Variants in CHFR observed in about 807,000 individuals in gnomAD.
The protein encoded by CHFR is checkpoint with forkhead and ring finger domains.
In CHFR, 57 loss-of-function variants were observed where a neutral mutation model predicts 87.6. The ratio of observed to expected loss-of-function variants is 0.65; its 90% CI spans 0.53 to 0.81. CHFR has a LOEUF of 0.81. Among genes scored for constraint, CHFR ranks in the 30% least tolerant of loss-of-function variants. The pLI is 0.00. For missense variants in CHFR, 797 were observed against 865.8 expected (o/e 0.92, Z 1.00); for synonymous variants, 381 against 359.2 (o/e 1.06, Z -0.69).
At chr12:132,886,399 A>C (rs1951895988) in intron 2 of CHFR, among the ~76,000 whole-genome samples, 1 of 152,184 alleles carries the variant, frequency 6.6e-6, no homozygotes, top group Admixed American at 6.5e-5. Flanking sequence ...AATTGCTTCC[A>C]AACAGCAAAT....
chr12:132,860,162 G>A (rs993507444), intron 7 of CHFR, among the ~76,000 whole-genome samples: 25 of 152,162 alleles, frequency 1.6e-4, no homozygotes, highest in Non-Finnish European at 4.4e-5. Context: ...TCTTTGAGCT[G>A]TTTCTTCTGG....
At position 132,839,887 on chromosome 12, in the gene CHFR, CT is replaced by C. The variant is rs1257887581; in HGVS notation, c.*1666del. On this transcript the variant is annotated 3_prime_UTR_variant, in exon 18 of 18. Coordinates refer to ENST00000450056, the MANE Select transcript of CHFR (RefSeq NM_001161346.2). ...GCCCCTGCACTAACTTGGGACCTCC[CT>C]GCTCAGCCTCACCCCTGCACAAACT... 4.2e-5 allele frequency: 5 copies of C among 118,222 alleles called. No homozygotes were observed. Among genetic ancestry groups the C allele is most frequent in the South Asian group, 1.5e-4 (1 of 6,858 alleles). 7.3% of individuals were successfully genotyped at this position (118,222 alleles called of 1,614,324 possible).
Position 132,841,399 on chromosome 12 carries a change from A to G in CHFR, c.*155T>C. 1 of 679,580 alleles carries G rather than the reference A, an allele frequency of 1.5e-6. No individual in the cohort carries two copies. Among genetic ancestry groups the G allele is most frequent in the African/African-American group, 1.8e-5 (1 of 56,196 alleles). 42.1% of individuals were successfully genotyped at this position (679,580 alleles called of 1,614,324 possible). The stretch of plus-strand genomic sequence containing the variant: ...GGGGAGGGTCTCACTCAGAGGGTAA[A>G]GCTCCACAGAAGAGTCACCCCAGAG... On this transcript the variant is annotated 3_prime_UTR_variant, in exon 18 of 18. Coordinates refer to ENST00000450056, the MANE Select transcript of CHFR (RefSeq NM_001161346.2).
At chr12:132,887,402 CGCCCCACCCCGCGG>C (rs1951925411) in intron 1 of CHFR, 62 bp from the exon 2 acceptor site, 1 of 1,187,358 alleles carries the variant, frequency 8.4e-7, no homozygotes, top group African/African-American at 1.6e-5. Context: ...ACTCGGCGCC[CGCCCCACCCCGCGG>C]GCCCCGGCCC....
Position 132,859,095 on chromosome 12 carries a change from C to A in CHFR, c.884G>T (p.Cys295Phe). The change falls in exon 8 of 18, where the codon TGC (cysteine) becomes TTC (phenylalanine). Residue 295 changes from cysteine to phenylalanine, a missense_variant. This residue lies in a region of CHFR where 597 missense variants were observed against 601.2 expected (regional missense o/e 0.99). Transcript: ENST00000450056. Reference protein sequence around the residue: ...KMEETLTCIICQDLLHDCVSL... With the variant: ...KMEETLTCIIFQDLLHDCVSL... ...CACGCAGTCGTGCAGCAGGTCCTGG[C>A]AGATGATGCATGTCAGCGTCTCCTC... 1 of 1,613,924 alleles carries A rather than the reference C, an allele frequency of 6.2e-7. No individual in the cohort carries two copies. The highest frequency in any genetic ancestry group is 8.5e-7 in the Non-Finnish European group (1 of 1,179,896).
chr12:132,848,601 C>G, intron 13 of CHFR, 40 bp downstream of exon 13: 1 of 1,486,998 alleles, frequency 6.7e-7, no homozygotes, highest in South Asian at 1.2e-5. Context: ...AGAGAACATG[C>G]AAAGGTCAAA....
chr12:132,859,282 T>C, intron 7 of CHFR, 55 bp from the exon 8 acceptor site: 1 of 1,542,168 alleles, frequency 6.5e-7, no homozygotes, highest in Non-Finnish European at 8.9e-7. Flanking sequence ...ACACGCAGGT[T>C]CAGGTCAAGG....
At chr12:132,868,792 G>C (rs1476095993) in intron 6 of CHFR, among the ~76,000 whole-genome samples, 1 of 148,906 alleles carries the variant, frequency 6.7e-6, no homozygotes, top group Non-Finnish European at 1.5e-5. Context: ...AGGGGACATG[G>C]GGAGTGACTG....
chr12:132,885,678 T>C (rs1250246667), intron 2 of CHFR, among the ~76,000 whole-genome samples: 1 of 152,200 alleles, frequency 6.6e-6, no homozygotes, highest in African/African-American at 2.4e-5. Context: ...CAATGGCTAA[T>C]GCTAAGTGCT....
chr12:132,860,692 T>C (rs1951192149), intron 7 of CHFR, among the ~76,000 whole-genome samples: 1 of 152,238 alleles, frequency 6.6e-6, no homozygotes, highest in South Asian at 2.1e-4. Context: ...TCATCTTCAA[T>C]GTGAAGATTT....
chr12:132,868,839 C>T (rs1383240770), intron 6 of CHFR, among the ~76,000 whole-genome samples: 2 of 86,424 alleles, frequency 2.3e-5, no homozygotes, highest in Non-Finnish European at 4.6e-5. Flanking sequence ...TGGGGAGTGA[C>T]TGCTGGTGGG....
chr12:132,887,151 G>A, intron 2 of CHFR, 45 bp downstream of exon 2: 1 of 1,422,340 alleles, frequency 7.0e-7, no homozygotes, highest in Admixed American at 3.0e-5. Flanking sequence ...GCAACCCGGT[G>A]GCTCTGCCCG....
At chr12:132,843,317 T>C (rs1950741611) in intron 16 of CHFR, among the ~76,000 whole-genome samples, 1 of 152,018 alleles carries the variant, frequency 6.6e-6, no homozygotes, top group African/African-American at 2.4e-5. Flanking sequence ...TCCCAGCACT[T>C]TGGGAGGCAG....
chr12:132,851,051 C>A (rs1246937893), intron 12 of CHFR, among the ~76,000 whole-genome samples: 3 of 151,180 alleles, frequency 2.0e-5, no homozygotes, highest in Admixed American at 1.3e-4. Flanking sequence ...AGTACAGTGG[C>A]ACGATCTCAG....
chr12:132,841,422 G>C lies in CHFR; in HGVS notation c.*132C>G, dbSNP rs559705268. On this transcript the variant is annotated 3_prime_UTR_variant, in exon 18 of 18. Coordinates refer to ENST00000450056, the MANE Select transcript of CHFR (RefSeq NM_001161346.2). ...AAAGCTCCACAGAAGAGTCACCCCA[G>C]AGCACCTGTCGGAGACCCTGCGTCC... 2.5e-6 allele frequency: 2 copies of C among 788,164 alleles called. No individual in the cohort carries two copies. Among genetic ancestry groups the C allele is most frequent in the Non-Finnish European group, 4.4e-6 (2 of 453,686 alleles). 48.8% of individuals were successfully genotyped at this position (788,164 alleles called of 1,614,324 possible). A position where few individuals can be genotyped will look rare whatever the true frequency, so the allele number is the denominator to read the frequency against.
intron 2 of CHFR, among the ~76,000 whole-genome samples, chr12:132,878,771 TATGGCGCCACTGC>T (rs1485672116): frequency 7.4e-6 from 1 of 134,862 alleles, no homozygotes; most frequent in Non-Finnish European, 1.6e-5. Flanking sequence ...AGTGAGCCGA[TATGGCGCCACTGC>T]ACTCCAGCCT....
chr12:132,877,834 GCT>G (rs1951664981), intron 2 of CHFR, among the ~76,000 whole-genome samples, 180 bp from the exon 3 acceptor site: 1 of 151,186 alleles, frequency 6.6e-6, no homozygotes. Flanking sequence ...ACGGAGTCTC[GCT>G]CTGTCGCCCA....
chr12:132,845,464 AAAAATAAATAAAT>A (rs1259876495), intron 15 of CHFR, among the ~76,000 whole-genome samples: 1 of 144,864 alleles, frequency 6.9e-6, no homozygotes, highest in South Asian at 2.2e-4. Flanking sequence ...TCTCAAAAAA[AAAAATAAATAAAT>A]AAATAAAAAT....
At chr12:132,845,779 G>A (rs1202234986) in intron 15 of CHFR, among the ~76,000 whole-genome samples, 2 of 132,428 alleles carry the variant, frequency 1.5e-5, no homozygotes, top group Non-Finnish European at 1.8e-5. Context: ...CCAAGTCCCC[G>A]AGGGTCCCAG....
Sources: gnomAD v4.1 joint callset for allele counts (sites outside exome capture counted in the v4.1 genomes callset) on GRCh38, gnomAD v4.1.1 for gene constraint, gnomAD v4.1.1 regional missense constraint, MANE v1.5 for transcripts, NCBI Gene and HGNC (gene_info 2026-07-23, HGNC 2026-07-21) for gene names.